The following ITGA3 variants were observed in gnomAD, a reference collection of about 807,000 sequenced individuals.
The protein encoded by ITGA3 is integrin alpha-3.
ITGA3 carries 70 observed loss-of-function variants against 131.1 expected under a neutral mutation model. The observed-to-expected ratio is 0.53, with a 90% CI of 0.44 to 0.65. The LOEUF (loss-of-function observed/expected upper bound fraction) is 0.65. ITGA3 is among the 30% of genes least tolerant of loss of function. ITGA3 has a pLI of 0.00. For synonymous variants in ITGA3, 537 were observed against 571.6 expected (o/e 0.94, Z 0.86); for missense variants, 1,098 against 1,388.6 (o/e 0.79, Z 3.33).
rs1204878390 is a variant in ITGA3 at position 50,081,376 on chromosome 17, C to G, written c.2887C>G (p.Pro963Ala). 2 of 1,587,870 alleles carry G rather than the reference C, an allele frequency of 1.3e-6. No homozygotes were observed. The highest frequency in any genetic ancestry group is 1.8e-5 in the Admixed American group (1 of 56,570). Residue 963 changes from proline (P) to alanine (A), a missense_variant, in exon 23 of 26, where the codon CCC (proline) becomes GCC (alanine). By Grantham distance (27) the Pro-to-Ala change is conservative. This residue lies in a region of ITGA3 where 699 missense variants were observed against 829.2 expected (regional missense o/e 0.84). Transcript: ENST00000320031. ...WATLFLRTSI[P>A]TINMENKTTW... ...TACCCTATTCCTCCGAACCAGCATC[C>G]CCACCATCAACATGGAGAACAAGAC... is the stretch of plus-strand genomic sequence containing the variant.
chr17:50,068,315 A>G lies in ITGA3; in HGVS notation c.664+10A>G. Reference sequence around the variant, plus strand: ...GCCTACAACTGGAAAGGTGGGGACCATGGGGCCATGGGGGAAGAAAGGAAG... The same window carrying G: ...GCCTACAACTGGAAAGGTGGGGACCGTGGGGCCATGGGGGAAGAAAGGAAG... On this transcript the variant is annotated intron_variant, in intron 4 of 25. Coordinates refer to ENST00000320031, the MANE Select transcript of ITGA3 (RefSeq NM_002204.4). The G allele has an allele frequency of 6.2e-7, 1 of 1,610,748 alleles. No individual in the cohort carries two copies. Among genetic ancestry groups the G allele is most frequent in the Non-Finnish European group, 8.5e-7 (1 of 1,178,958 alleles).
rs16948648 is a variant in ITGA3 at position 50,078,407 on chromosome 17, C to T, written c.2297+123C>T. On this transcript the variant is annotated intron_variant, in intron 18 of 25. Transcript: ENST00000320031. ...TTGGCCCAGTGTCCTCAGGCCTCCACTTTCCCTGGATCATCCTTTTCTTAA... is the reference window on the plus strand; with the variant it reads ...TTGGCCCAGTGTCCTCAGGCCTCCATTTTCCCTGGATCATCCTTTTCTTAA... 0.69 allele frequency: 470,114 copies of T among 681,854 alleles called. 172,628 individuals carry two copies. Among genetic ancestry groups the T allele is most frequent in the Non-Finnish European group, 0.79 (309,803 of 390,376 alleles). The allele number at this position is 681,854 out of a possible 1,614,324, so 42.2% of individuals were successfully genotyped here. A position where few individuals can be genotyped will look rare whatever the true frequency, so the allele number is the denominator to read the frequency against.
intron 23 of ITGA3, among the ~76,000 whole-genome samples, chr17:50,084,579 G>C (rs1168769296): frequency 6.6e-6 from 1 of 152,038 alleles, no homozygotes; most frequent in East Asian, 1.9e-4. Context: ...AGATTAGGCT[G>C]ATCTTTACCA....
rs139487651 is a variant in ITGA3 at position 50,082,948 on chromosome 17, A to G, written c.2919+1540A>G. On this transcript the variant is annotated intron_variant, in intron 23 of 25. Transcript: ENST00000320031. The stretch of plus-strand genomic sequence containing the variant: ...AATCTGAGTTGCATCTAGAAGAATA[A>G]ATATAAAATTGCTAATAATTTGTTG... Among the ~76,000 whole-genome samples, 594 of 152,338 alleles carry G rather than the reference A, an allele frequency of 3.9e-3. 4 individuals are homozygous for G. Among genetic ancestry groups the G allele is most frequent in the African/African-American group, 0.014 (570 of 41,568 alleles).
chr17:50,080,669 G>A lies in ITGA3; in HGVS notation c.2820+294G>A, dbSNP rs141803432. On this transcript the variant is annotated intron_variant, in intron 22 of 25. Transcript: ENST00000320031. ...CTCATTTCCCCTCTTTTATCTCTGC[G>A]TGTAAACCCCTATTTTGTTTTCAAG... Among the ~76,000 whole-genome samples the A allele has an allele frequency of 2.6e-3, 395 of 151,986 alleles. 6 individuals carry two copies. The highest frequency in any genetic ancestry group is 9.0e-3 in the African/African-American group (371 of 41,380).
intron 22 of ITGA3, chr17:50,081,080 G>T: frequency 1.9e-6 from 1 of 515,084 alleles, no homozygotes. Flanking sequence ...GACCTTCATT[G>T]TTTCGGTTGT....
chr17:50,067,502 C>T (rs1908397125), intron 3 of ITGA3, among the ~76,000 whole-genome samples: 1 of 152,198 alleles, frequency 6.6e-6, no homozygotes, highest in South Asian at 2.1e-4. Flanking sequence ...CTGAGCTCTC[C>T]ATGCCTCAGT....
intron 1 of ITGA3, among the ~76,000 whole-genome samples, chr17:50,062,806 T>C (rs1908155021): frequency 6.6e-6 from 1 of 152,214 alleles, no homozygotes; most frequent in Non-Finnish European, 1.5e-5. Context: ...AGTTCTGAGC[T>C]GGGAGCTGTA....
chr17:50,066,840 T>G (rs1284180082), intron 3 of ITGA3, among the ~76,000 whole-genome samples: 2 of 152,150 alleles, frequency 1.3e-5, no homozygotes, highest in African/African-American at 2.4e-5. Context: ...CTTCAATGAA[T>G]TTTTACAAAT....
intron 22 of ITGA3, chr17:50,081,055 C>T (rs1909164333): frequency 6.5e-6 from 3 of 464,016 alleles, no homozygotes; most frequent in South Asian, 5.7e-5. Flanking sequence ...AGCCCACAGG[C>T]CTGACCTAGA....
intron 23 of ITGA3, among the ~76,000 whole-genome samples, chr17:50,083,263 C>T (rs1156717307): frequency 1.3e-5 from 2 of 152,252 alleles, no homozygotes; most frequent in African/African-American, 4.8e-5. Context: ...TAACTATCTA[C>T]ATGTAGCAAT....
chr17:50,068,812 T>TG, intron 4 of ITGA3, among the ~76,000 whole-genome samples: 2 of 112,612 alleles, frequency 1.8e-5, no homozygotes, highest in Admixed American at 2.1e-4. Context: ...TCAATCAGTC[T>TG]TTTTTATTTA....
Position 50,090,419 on chromosome 17 carries a change from C to G in ITGA3, c.*1341C>G, listed in dbSNP as rs1038621927. 1 of 304,210 alleles carries G rather than the reference C, an allele frequency of 3.3e-6. No homozygotes were observed. The highest frequency in any genetic ancestry group is 2.6e-5 in the South Asian group (1 of 39,104). 18.8% of individuals were successfully genotyped at this position (304,210 alleles called of 1,614,324 possible). On this transcript the variant is annotated 3_prime_UTR_variant, in exon 26 of 26. Transcript: ENST00000320031. ...ACTGTAGCAGGGGAATTCCCTCCCCCTCCTTGTGCCTTCTTTGTATATAGG... is the reference window on the plus strand; with the variant it reads ...ACTGTAGCAGGGGAATTCCCTCCCCGTCCTTGTGCCTTCTTTGTATATAGG...
rs549772790 is a variant in ITGA3 at position 50,090,277 on chromosome 17, C to A, written c.*1199C>A. 18 of 456,386 alleles carry A rather than the reference C, an allele frequency of 3.9e-5. No individual in the cohort carries two copies. Among genetic ancestry groups the A allele is most frequent in the Non-Finnish European group, 6.2e-5 (14 of 226,906 alleles). The allele number at this position is 456,386 out of a possible 1,614,324, so 28.3% of individuals were successfully genotyped here. A position where few individuals can be genotyped will look rare whatever the true frequency, so the allele number is the denominator to read the frequency against. On this transcript the variant is annotated 3_prime_UTR_variant, in exon 26 of 26. Transcript: ENST00000320031. The stretch of plus-strand genomic sequence containing the variant: ...TTCAGAGCCAGCCTGGCTCTGCCCC[C>A]TCCCCCATGGGCTGTGTCCTAAGGC...
Position 50,071,427 on chromosome 17 carries a change from G to A in ITGA3, c.868G>A (p.Gly290Arg), listed in dbSNP as rs774533994. The A allele has an allele frequency of 1.4e-5, 23 of 1,613,978 alleles. No individual in the cohort carries two copies. The highest frequency in any genetic ancestry group is 2.2e-5 in the East Asian group (1 of 44,884). ...AVFLLSQEAG[G>R]DLRRRQVLEG... ...GTTCTTGCTGAGCCAGGAGGCAGGC[G>A]GAGACCTGCGGAGGAGGCAGGTGCT... The change falls in exon 6 of 26, where the codon GGA becomes AGA. Residue 290 changes from glycine (G) to arginine (R), a missense_variant. This residue lies in a region of ITGA3 where 356 missense variants were observed against 529.2 expected (regional missense o/e 0.67). Coordinates refer to ENST00000320031, the MANE Select transcript of ITGA3 (RefSeq NM_002204.4).
At chr17:50,077,566 C>A in intron 16 of ITGA3, 119 bp downstream of exon 16, 1 of 800,526 alleles carries the variant, frequency 1.2e-6, no homozygotes, top group Non-Finnish European at 2.1e-6. Context: ...TGGAGAGCCA[C>A]AGTGCGGGAG....
At chr17:50,082,221 C>G (rs1158363157) in intron 23 of ITGA3, among the ~76,000 whole-genome samples, 1 of 152,076 alleles carries the variant, frequency 6.6e-6, no homozygotes, top group African/African-American at 2.4e-5. Flanking sequence ...GAGCCTCACT[C>G]TGTGGCCAGG....
intron 25 of ITGA3, among the ~76,000 whole-genome samples, chr17:50,088,716 A>G (rs1340421351): frequency 6.6e-6 from 1 of 152,130 alleles, no homozygotes; most frequent in Admixed American, 6.5e-5. Context: ...TTCCACCCCT[A>G]GGGAAGGAGG....
chr17:50,075,051 G>A (rs1051847454), intron 10 of ITGA3, among the ~76,000 whole-genome samples: 4 of 152,204 alleles, frequency 2.6e-5, no homozygotes, highest in Admixed American at 6.5e-5. Flanking sequence ...TAATGATGGC[G>A]ATGACCCCAA....
Sources: allele counts gnomAD v4.1 joint callset (sites outside exome capture counted in the v4.1 genomes callset), GRCh38; gene constraint gnomAD v4.1.1; regional missense constraint gnomAD v4.1.1; transcripts MANE v1.5; gene names NCBI Gene and HGNC (gene_info 2026-07-23, HGNC 2026-07-21).